Variants in ZPBP observed in about 807,000 individuals in gnomAD.
ZPBP encodes the protein zona pellucida-binding protein 1.
ZPBP carries 26 observed loss-of-function variants against 44.8 expected under a neutral mutation model. The observed-to-expected ratio is 0.58, with a 90% CI of 0.43 to 0.81. The LOEUF is 0.81. Ranked by LOEUF, ZPBP falls within the 30% of genes least tolerant of loss-of-function variation. The pLI is 0.00. For synonymous variants in ZPBP, 174 were observed against 153.2 expected (o/e 1.14, Z -1.00); for missense variants, 409 against 434.0 (o/e 0.94, Z 0.51).
chr7:49,919,588 T>A (rs184858340), intron 1 of ZPBP: 4 of 152,250 alleles, frequency 2.6e-5, no homozygotes, highest in Admixed American at 2.6e-4. Context: ...CCAATTTAAT[T>A]TAATATAGAT....
chr7:49,927,981 A>G (rs1057288838), intron 1 of ZPBP, among the ~76,000 whole-genome samples: 7 of 152,172 alleles, frequency 4.6e-5, no homozygotes, highest in African/African-American at 1.4e-4. Context: ...ACTTGATCCA[A>G]TGTAATCAAC....
At chr7:50,078,532 C>T (rs1014289992) in intron 3 of ZPBP, among the ~76,000 whole-genome samples, 5 of 150,492 alleles carry the variant, frequency 3.3e-5, no homozygotes, top group South Asian at 2.1e-4. Context: ...CTACTATGTA[C>T]CTAAAATTAA....
At chr7:50,088,968 C>G (rs1399454226) in intron 2 of ZPBP, among the ~76,000 whole-genome samples, 2 of 151,968 alleles carry the variant, frequency 1.3e-5, no homozygotes, top group East Asian at 1.9e-4. Context: ...AAACGTCATA[C>G]TAAGTGAAAG....
chr7:49,950,201 G>A (rs992021262), intron 7 of ZPBP, among the ~76,000 whole-genome samples: 13 of 151,834 alleles, frequency 8.6e-5, no homozygotes, highest in Admixed American at 2.0e-4. Flanking sequence ...CACAAAAGTA[G>A]AAACAAATTT....
chr7:49,873,658 C>A (rs1791274410), intron 2 of ZPBP, among the ~76,000 whole-genome samples: 1 of 152,116 alleles, frequency 6.6e-6, no homozygotes, highest in Non-Finnish European at 1.5e-5. Context: ...AGGCATTATG[C>A]AGTAATCATG....
chr7:50,001,969 ACC>A (rs1798119411), intron 6 of ZPBP, among the ~76,000 whole-genome samples: 7 of 152,102 alleles, frequency 4.6e-5, no homozygotes, highest in Non-Finnish European at 1.0e-4. Context: ...CAGTGGCGCA[ACC>A]GAGGCAGCCT....
chr7:49,850,151 C>G (rs541642465), downstream of ZPBP, among the ~76,000 whole-genome samples: 1 of 152,158 alleles, frequency 6.6e-6, no homozygotes, highest in African/African-American at 2.4e-5. Context: ...AGTGCTGTAA[C>G]GCAGTATTCA....
At chr7:49,982,843 A>C (rs1481211501) in intron 7 of ZPBP, among the ~76,000 whole-genome samples, 1 of 151,992 alleles carries the variant, frequency 6.6e-6, no homozygotes, top group African/African-American at 2.4e-5. Context: ...ACTCTCTTCT[A>C]TAGTAAAGAT....
intron 3 of ZPBP, among the ~76,000 whole-genome samples, chr7:50,072,962 CA>C (rs1801920056): frequency 6.6e-6 from 1 of 152,212 alleles, no homozygotes; most frequent in East Asian, 1.9e-4. Flanking sequence ...TAAGCGCAGA[CA>C]GTGAAGACTA....
intron 2 of ZPBP, among the ~76,000 whole-genome samples, chr7:49,867,606 G>T (rs934271491): frequency 2.6e-5 from 4 of 152,178 alleles, no homozygotes; most frequent in African/African-American, 9.7e-5. Flanking sequence ...GGTGCTGGAG[G>T]CACAGGAGAC....
chr7:49,857,624 G>C (rs1790478617), intron 2 of ZPBP, among the ~76,000 whole-genome samples: 1 of 151,926 alleles, frequency 6.6e-6, no homozygotes, highest in Non-Finnish European at 1.5e-5. Flanking sequence ...TGTCAAAATG[G>C]CTATTAACAA....
chr7:50,029,672 A>C (rs1409943041), intron 5 of ZPBP, among the ~76,000 whole-genome samples: 3 of 152,206 alleles, frequency 2.0e-5, no homozygotes, highest in Non-Finnish European at 4.4e-5. Flanking sequence ...TTGAATAAAC[A>C]TTTCTCCAAA....
At chr7:49,862,421 A>T (rs989029613) in intron 2 of ZPBP, among the ~76,000 whole-genome samples, 75 of 152,188 alleles carry the variant, frequency 4.9e-4, no homozygotes, top group African/African-American at 1.5e-3. Flanking sequence ...GTGAATAGAG[A>T]TAGTTTTATT....
chr7:49,887,628 T>C (rs1791958097), intron 2 of ZPBP, among the ~76,000 whole-genome samples: 1 of 148,196 alleles, frequency 6.7e-6, no homozygotes, highest in East Asian at 1.9e-4. Flanking sequence ...TTGTACAGGA[T>C]TCAACACAAC....
intron 7 of ZPBP, among the ~76,000 whole-genome samples, chr7:49,954,890 A>G (rs1795510301): frequency 6.6e-6 from 1 of 152,226 alleles, no homozygotes; most frequent in Non-Finnish European, 1.5e-5. Flanking sequence ...CTTTTTATTC[A>G]TGGGAGCATA....
Position 49,983,484 on chromosome 7 carries a change from T to G in ZPBP, c.819A>C (p.Gln273His). Residue 273 changes from glutamine to histidine, a missense_variant, in exon 7 of 8, where the codon CAA becomes CAC. This residue lies in a region of ZPBP where 367 missense variants were observed against 363.1 expected (regional missense o/e 1.01). Coordinates refer to ENST00000046087, the MANE Select transcript of ZPBP (RefSeq NM_007009.3). The part of the protein sequence containing the change: ...KNLIERFFNQ[Q>H]VEILGRRAEQ... ...CTGCACGTCTGCCAAGAATTTCTAC[T>G]TGTTGATTAAAAAATCTCTCTATGA... 6.2e-7 allele frequency: 1 copy of G among 1,608,786 alleles called. No individual in the cohort carries two copies. Among genetic ancestry groups the G allele is most frequent in the Non-Finnish European group, 8.5e-7 (1 of 1,176,674 alleles).
chr7:50,058,619 A>G (rs780530981), intron 3 of ZPBP, among the ~76,000 whole-genome samples: 1 of 152,136 alleles, frequency 6.6e-6, no homozygotes, highest in African/African-American at 2.4e-5. Context: ...CTAACAAGAG[A>G]TTTCTTATCA....
chr7:50,014,428 ATATT>A (rs1288470740), intron 6 of ZPBP, among the ~76,000 whole-genome samples: 1 of 149,892 alleles, frequency 6.7e-6, no homozygotes, highest in African/African-American at 2.4e-5. Flanking sequence ...CTTAAGAAAT[ATATT>A]TATTTATCAT....
intron 1 of ZPBP, among the ~76,000 whole-genome samples, chr7:49,908,397 TAA>T (rs1401381039): frequency 6.6e-6 from 1 of 152,190 alleles, no homozygotes; most frequent in Non-Finnish European, 1.5e-5. Context: ...GGTCTTAGTG[TAA>T]AATGAGACAT....
Sources: gnomAD v4.1 joint callset for allele counts (sites outside exome capture counted in the v4.1 genomes callset) on GRCh38, gnomAD v4.1.1 for gene constraint, gnomAD v4.1.1 regional missense constraint, MANE v1.5 for transcripts, NCBI Gene and HGNC (gene_info 2026-07-23, HGNC 2026-07-21) for gene names.